SDK1: variants seen among roughly 807,000 people sequenced by gnomAD.
SDK1 encodes sidekick cell adhesion molecule 1.
In SDK1, 157 loss-of-function variants were observed where a neutral mutation model predicts 245.5. The ratio of observed to expected loss-of-function variants is 0.64; its 90% CI spans 0.56 to 0.73. The LOEUF (loss-of-function observed/expected upper bound fraction) is 0.73, where lower values mean the gene tolerates loss of function less well. SDK1 is among the 30% of genes least tolerant of loss of function. The pLI is 0.00. For synonymous variants in SDK1, 1,647 were observed against 1,278.5 expected, an observed-to-expected ratio of 1.29 and a Z score of -6.15; for missense variants, 3,583 against 3,002.3, an observed-to-expected ratio of 1.19 and a Z score of -4.52.
chr7:3,609,558 A>T (rs937646284), intron 1 of SDK1, among the ~76,000 whole-genome samples: 2 of 151,206 alleles, frequency 1.3e-5, no homozygotes, highest in Admixed American at 6.6e-5. Flanking sequence ...GTGCCACCAT[A>T]CCCGGCTAAT....
intron 5 of SDK1, among the ~76,000 whole-genome samples, chr7:3,928,235 T>C (rs139548935): frequency 6.2e-4 from 95 of 152,344 alleles, no homozygotes; most frequent in African/African-American, 2.1e-3. Flanking sequence ...GCTCGTTGAT[T>C]AAAGTACAAG....
intron 1 of SDK1, among the ~76,000 whole-genome samples, chr7:3,546,315 C>T (rs1003308825): frequency 2.0e-5 from 3 of 152,190 alleles, no homozygotes; most frequent in African/African-American, 7.2e-5. Flanking sequence ...TCCCTAATAA[C>T]CATATGACAG....
intron 2 of SDK1, among the ~76,000 whole-genome samples, chr7:3,634,357 G>C (rs979585900): frequency 6.6e-6 from 1 of 152,162 alleles, no homozygotes; most frequent in Non-Finnish European, 1.5e-5. Flanking sequence ...CAGAGATGCA[G>C]GTCACAACTG....
intron 1 of SDK1, among the ~76,000 whole-genome samples, chr7:3,485,716 G>C (rs1468313309): frequency 3.1e-5 from 1 of 31,844 alleles, no homozygotes; most frequent in African/African-American, 1.5e-4. Context: ...GAGCCATCTT[G>C]CTCCACCTTT....
chr7:3,993,258 C>T (rs536866809), intron 14 of SDK1, among the ~76,000 whole-genome samples: 5 of 152,274 alleles, frequency 3.3e-5, no homozygotes, highest in East Asian at 1.9e-4. Context: ...TGAGCCTCTG[C>T]GTGTTTTCCT....
chr7:4,023,276 A>G (rs902329703), intron 17 of SDK1, among the ~76,000 whole-genome samples: 9 of 152,182 alleles, frequency 5.9e-5, no homozygotes, highest in African/African-American at 2.2e-4. Context: ...AATCCCATTT[A>G]ATAGATTTTA....
At chr7:3,733,575 T>G (rs955023773) in intron 4 of SDK1, among the ~76,000 whole-genome samples, 3 of 152,154 alleles carry the variant, frequency 2.0e-5, no homozygotes, top group African/African-American at 7.2e-5. Context: ...GAATCCCATG[T>G]TTAAGGTCTG....
intron 4 of SDK1, among the ~76,000 whole-genome samples, chr7:3,739,541 T>G (rs1046082144): frequency 6.6e-6 from 1 of 152,184 alleles, no homozygotes; most frequent in Non-Finnish European, 1.5e-5. Context: ...AGTGATTCTT[T>G]TTCTGCAGAT....
chr7:3,776,282 T>G (rs1243388771), intron 4 of SDK1, among the ~76,000 whole-genome samples: 1 of 152,246 alleles, frequency 6.6e-6, no homozygotes, highest in Non-Finnish European at 1.5e-5. Flanking sequence ...TAGATGTGTA[T>G]GCAAAGGGCC....
intron 27 of SDK1, 90 bp downstream of exon 27, chr7:4,130,187 C>T: frequency 7.3e-7 from 1 of 1,363,662 alleles, no homozygotes; most frequent in Non-Finnish European, 9.9e-7. Flanking sequence ...TCGCTTTTAA[C>T]TTAATTTTCA....
At chr7:3,922,577 G>A (rs1779631093) in intron 5 of SDK1, among the ~76,000 whole-genome samples, 1 of 152,124 alleles carries the variant, frequency 6.6e-6, no homozygotes, top group South Asian at 2.1e-4. Flanking sequence ...TTCCGTAGAT[G>A]TTACTTCATT....
At position 3,772,806 on chromosome 7, in the gene SDK1, T is replaced by C. The variant is rs887722504; in HGVS notation, c.714-48644T>C. ...TTTTGTTTATCTGGGAAATCTTAAT[T>C]CCACCCTCACATCTGAAGTCCCATT... is the stretch of plus-strand genomic sequence containing the variant. On this transcript the variant is annotated intron_variant, in intron 4 of 44. Coordinates refer to ENST00000404826, the MANE Select transcript of SDK1 (RefSeq NM_152744.4). 9.2e-5 allele frequency among the ~76,000 whole-genome samples: 14 copies of C among 152,304 alleles called. No homozygotes were observed. The East Asian group carries it at 1.7e-3, about 19-fold the overall frequency.
intron 1 of SDK1, among the ~76,000 whole-genome samples, chr7:3,543,948 A>G (rs1156274440): frequency 6.6e-6 from 1 of 152,168 alleles, no homozygotes; most frequent in Non-Finnish European, 1.5e-5. Flanking sequence ...TTTTTGAAAA[A>G]CGATCATTTC....
At chr7:3,680,936 G>T (rs528954677) in intron 4 of SDK1, among the ~76,000 whole-genome samples, 1 of 152,118 alleles carries the variant, frequency 6.6e-6, no homozygotes, top group Non-Finnish European at 1.5e-5. Context: ...TCCACCTCCC[G>T]GGTTCAAGCG....
chr7:3,728,236 G>A (rs770805338), intron 4 of SDK1, among the ~76,000 whole-genome samples: 7 of 152,078 alleles, frequency 4.6e-5, no homozygotes, highest in Non-Finnish European at 8.8e-5. Context: ...AAGTTACTCC[G>A]TTTCTCTTTG....
intron 4 of SDK1, among the ~76,000 whole-genome samples, chr7:3,763,104 C>T (rs1403026951): frequency 6.6e-6 from 1 of 152,140 alleles, no homozygotes; most frequent in African/African-American, 2.4e-5. Flanking sequence ...AAATAAGCCT[C>T]CTTATTCCTG....
intron 1 of SDK1, among the ~76,000 whole-genome samples, chr7:3,549,026 G>A (rs1234281512): frequency 2.6e-5 from 4 of 152,148 alleles, no homozygotes; most frequent in African/African-American, 9.7e-5. Flanking sequence ...CCTTCCTCCT[G>A]CAGCCAGAGA....
At chr7:3,428,287 A>G (rs1779732838) in intron 1 of SDK1, among the ~76,000 whole-genome samples, 1 of 152,216 alleles carries the variant, frequency 6.6e-6, no homozygotes, top group African/African-American at 2.4e-5. Flanking sequence ...AATTTATCAT[A>G]GTAACTGACA....
At chr7:3,813,899 A>G (rs1259575672) in intron 4 of SDK1, among the ~76,000 whole-genome samples, 7 of 130,746 alleles carry the variant, frequency 5.4e-5, no homozygotes, top group East Asian at 4.2e-4. Flanking sequence ...TTTTGGCTGC[A>G]TAAATGTCTT....
Sources: allele counts gnomAD v4.1 joint callset (sites outside exome capture counted in the v4.1 genomes callset), GRCh38; gene constraint gnomAD v4.1.1; transcripts MANE v1.5; gene names NCBI Gene and HGNC (gene_info 2026-07-23, HGNC 2026-07-21).